Variants in IGFBP1 observed in about 807,000 individuals in gnomAD.
IGFBP1 encodes the protein insulin like growth factor binding protein 1.
In IGFBP1, 31 loss-of-function variants were observed where a neutral mutation model predicts 23.1. The ratio of observed to expected loss-of-function variants is 1.34; its 90% CI spans 1.01 to 1.81. The LOEUF is 1.81. IGFBP1 is among the 40% of genes most tolerant of loss of function. IGFBP1 has a pLI of 0.00. For synonymous variants in IGFBP1, 148 were observed against 145.5 expected, an observed-to-expected ratio of 1.02 and a Z score of -0.13; for missense variants, 333 against 342.2, an observed-to-expected ratio of 0.97 and a Z score of 0.21.
chr7:45,889,049 G>A, intron 1 of IGFBP1, 48 bp downstream of exon 1: 1 of 1,372,902 alleles, frequency 7.3e-7, no homozygotes, highest in Admixed American at 2.5e-5. Flanking sequence ...GCCCGCCCCC[G>A]CCCGGCACCT....
chr7:45,890,817 T>C (rs1404627193), intron 2 of IGFBP1, 100 bp downstream of exon 2: 2 of 1,032,610 alleles, frequency 1.9e-6, no homozygotes, highest in Admixed American at 5.2e-5. Context: ...CTGGTCCTGA[T>C]GCCCTGGAAA....
Position 45,892,024 on chromosome 7 carries a change from A to C in IGFBP1, c.612A>C (p.Pro204=). 1.2e-6 allele frequency: 2 copies of C among 1,614,246 alleles called. No individual in the cohort carries two copies. The highest frequency in any genetic ancestry group is 1.7e-6 in the Non-Finnish European group (2 of 1,180,038). The change falls in exon 3 of 4, where the codon CCA becomes CCC. Residue 204 remains proline, a synonymous_variant. Transcript: ENST00000275525. Reference sequence around the variant, plus strand: ...AAGAAATTTCCAAATTTTACCTGCCAAACTGCAACAAGAATGGATTTTATC... The same window carrying C: ...AAGAAATTTCCAAATTTTACCTGCCCAACTGCAACAAGAATGGATTTTATC... The part of the protein sequence containing the change: ...SGEEISKFYL[P]NCNKNGFYHS...
In IGFBP1 at chr7:45,888,508, C is replaced by A. The variant is rs1000938997; in HGVS notation, c.-145C>A. ...CGAGCATCGGCCACCGCCATCCCAT[C>A]CAGCGAGCATCTGCCGCCGCGCCGC... is the stretch of plus-strand genomic sequence containing the variant. On this transcript the variant is annotated 5_prime_UTR_variant, in exon 1 of 4. Coordinates refer to ENST00000275525, the MANE Select transcript of IGFBP1 (RefSeq NM_000596.4). The A allele has an allele frequency of 4.5e-5, 30 of 673,228 alleles. No homozygotes were observed. In the African/African-American group the frequency reaches 4.9e-4, roughly 11 times the overall value. The allele number at this position is 673,228 out of a possible 1,614,324, so 41.7% of individuals were successfully genotyped here.
At chr7:45,891,521 T>C (rs1233551778) in intron 2 of IGFBP1, among the ~76,000 whole-genome samples, 1 of 152,266 alleles carries the variant, frequency 6.6e-6, no homozygotes, top group Non-Finnish European at 1.5e-5. Flanking sequence ...AGGAAAGTTA[T>C]TCAAAATCTA....
Position 45,891,964 on chromosome 7 carries a change from A to G in IGFBP1, c.552A>G (p.Val184=). 6.2e-7 allele frequency: 1 copy of G among 1,613,954 alleles called. No individual in the cohort carries two copies. The highest frequency in any genetic ancestry group is 1.1e-5 in the South Asian group (1 of 91,074). The stretch of plus-strand genomic sequence containing the variant: ...GCCGAATAGAACTCTACAGAGTCGT[A>G]GAGAGTTTAGCCAAGGCACAGGAGA... ...EPCRIELYRV[V]ESLAKAQETS... The change falls in exon 3 of 4, where the codon GTA becomes GTG. Residue 184 remains valine, a synonymous_variant. Transcript: ENST00000275525.
chr7:45,890,787 C>T (rs550688989), intron 2 of IGFBP1, 70 bp downstream of exon 2: 19 of 1,349,592 alleles, frequency 1.4e-5, no homozygotes, highest in Non-Finnish European at 1.7e-5. Context: ...CTGTGACAAG[C>T]AGACCTGGCC....
chr7:45,890,616 C>T lies in IGFBP1; in HGVS notation c.418C>T (p.Leu140=). The T allele has an allele frequency of 6.2e-7, 1 of 1,613,956 alleles. No homozygotes were observed. The highest frequency in any genetic ancestry group is 8.5e-7 in the Non-Finnish European group (1 of 1,179,938). The change falls in exon 2 of 4, where the codon CTG becomes TTG. Residue 140 remains leucine, a synonymous_variant. Transcript: ENST00000275525. ...TEEELLDNFH[L]MAPSEEDHSI... is the part of the protein sequence containing the mutation. ...GGAGGAGCTCCTGGATAATTTCCAT[C>T]TGATGGCCCCTTCTGAAGAGGATCA...
At position 45,888,709 on chromosome 7, in the gene IGFBP1, G is replaced by A. The variant is rs760725872; in HGVS notation, c.57G>A (p.Gln19=). 4 of 1,597,316 alleles carry A rather than the reference G, an allele frequency of 2.5e-6. No individual in the cohort carries two copies. Among genetic ancestry groups the A allele is most frequent in the Non-Finnish European group, 3.4e-6 (4 of 1,179,286 alleles). Residue 19 remains glutamine, a synonymous_variant, in exon 1 of 4, where the codon CAG becomes CAA. Transcript: ENST00000275525. ...TGGTACTGCTCCTGCTGACTGTCCA[G>A]GTCGGCGTGACAGCCGGCGCTCCGT... The part of the protein sequence containing the change: ...VWLVLLLLTV[Q]VGVTAGAPWQ...
chr7:45,892,300 GC>G (rs1473348196), intron 3 of IGFBP1, among the ~76,000 whole-genome samples: 1 of 152,224 alleles, frequency 6.6e-6, no homozygotes, highest in Non-Finnish European at 1.5e-5. Flanking sequence ...GGGCCCTGGG[GC>G]TAAGCCTGAG....
At chr7:45,891,809 A>G in intron 2 of IGFBP1, 123 bp from the exon 3 acceptor site, 1 of 859,798 alleles carries the variant, frequency 1.2e-6, no homozygotes, top group South Asian at 1.8e-5. Flanking sequence ...ACCTAGTCCC[A>G]GGTCCCCGTG....
chr7:45,891,569 C>T (rs9658213), intron 2 of IGFBP1, among the ~76,000 whole-genome samples: 1,865 of 152,272 alleles, frequency 0.012, 32 homozygotes, highest in African/African-American at 0.043. Context: ...AAGAGTTATG[C>T]CCACTCTTCT....
At chr7:45,891,103 T>C (rs1325714519) in intron 2 of IGFBP1, among the ~76,000 whole-genome samples, 1 of 152,236 alleles carries the variant, frequency 6.6e-6, no homozygotes, top group African/African-American at 2.4e-5. Flanking sequence ...TAAAATGTAC[T>C]GTTTTAACTA....
chr7:45,891,325 A>AG (rs1191034383), intron 2 of IGFBP1, among the ~76,000 whole-genome samples: 5 of 152,226 alleles, frequency 3.3e-5, no homozygotes, highest in African/African-American at 1.2e-4. Flanking sequence ...ATTTGATTTG[A>AG]GAAAATAAAT....
chr7:45,891,795 T>C, intron 2 of IGFBP1, 137 bp from the exon 3 acceptor site: 1 of 730,012 alleles, frequency 1.4e-6, no homozygotes, highest in Non-Finnish European at 2.2e-6. Flanking sequence ...GCACATCACA[T>C]GACACCTAGT....
Position 45,888,601 on chromosome 7 carries a change from G to A in IGFBP1, c.-52G>A. 2 of 1,499,074 alleles carry A rather than the reference G, an allele frequency of 1.3e-6. No individual in the cohort carries two copies. Among genetic ancestry groups the A allele is most frequent in the East Asian group, 2.3e-5 (1 of 42,588 alleles). 92.9% of individuals were successfully genotyped at this position (1,499,074 alleles called of 1,614,324 possible). On this transcript the variant is annotated 5_prime_UTR_variant, in exon 1 of 4. Coordinates refer to ENST00000275525, the MANE Select transcript of IGFBP1 (RefSeq NM_000596.4). The stretch of plus-strand genomic sequence containing the variant: ...TTGCCCAGAGTTTGGGCCACCGCCC[G>A]CCGCCACCAGCCCAGAGAGCATCGG...
In IGFBP1 at chr7:45,891,961, C is replaced by A; in HGVS notation, c.549C>A (p.Val183=). 1 of 1,612,920 alleles carries A rather than the reference C, an allele frequency of 6.2e-7. No individual in the cohort carries two copies. Among genetic ancestry groups the A allele is most frequent in the Non-Finnish European group, 8.5e-7 (1 of 1,178,874 alleles). Residue 183 remains valine, a synonymous_variant, in exon 3 of 4, where the codon GTC becomes GTA. Coordinates refer to ENST00000275525, the MANE Select transcript of IGFBP1 (RefSeq NM_000596.4). The part of the protein sequence containing the change: ...KEPCRIELYR[V]VESLAKAQET... The stretch of plus-strand genomic sequence containing the variant: ...CCTGCCGAATAGAACTCTACAGAGT[C>A]GTAGAGAGTTTAGCCAAGGCACAGG...
In IGFBP1 at chr7:45,888,560, A is replaced by G. The variant is rs918101935; in HGVS notation, c.-93A>G. 15 of 1,106,454 alleles carry G rather than the reference A, an allele frequency of 1.4e-5. No homozygotes were observed. The African/African-American group carries it at 1.9e-4, about 14-fold the overall frequency. 68.5% of individuals were successfully genotyped at this position (1,106,454 alleles called of 1,614,324 possible). A position where few individuals can be genotyped will look rare whatever the true frequency, so the allele number is the denominator to read the frequency against. On this transcript the variant is annotated 5_prime_UTR_variant, in exon 1 of 4. Transcript: ENST00000275525. The stretch of plus-strand genomic sequence containing the variant: ...GCCACCCTCCCAGAGAGCACTGGCC[A>G]CCGCTCCACCATCACTTGCCCAGAG...
At chr7:45,891,093 T>C (rs1787072481) in intron 2 of IGFBP1, among the ~76,000 whole-genome samples, 1 of 152,214 alleles carries the variant, frequency 6.6e-6, no homozygotes. Context: ...AAAATAGACA[T>C]AAAATGTACT....
intron 2 of IGFBP1, 82 bp downstream of exon 2, chr7:45,890,799 A>G (rs569025105): frequency 6.6e-6 from 8 of 1,208,654 alleles, no homozygotes; most frequent in African/African-American, 3.1e-5. Flanking sequence ...GACCTGGCCC[A>G]CTCCTTCCTG....
Sources: allele counts gnomAD v4.1 joint callset (sites outside exome capture counted in the v4.1 genomes callset), GRCh38; gene constraint gnomAD v4.1.1; transcripts MANE v1.5; gene names NCBI Gene and HGNC (gene_info 2026-07-23, HGNC 2026-07-21).